ZFYVE9: variants seen among roughly 807,000 people sequenced by gnomAD.
ZFYVE9 encodes zinc finger FYVE-type containing 9.
ZFYVE9 carries 43 observed loss-of-function variants against 126.7 expected under a neutral mutation model. The observed-to-expected ratio is 0.34, with a 90% CI of 0.27 to 0.44. The LOEUF is 0.44. Ranked by LOEUF, ZFYVE9 falls within the 20% of genes least tolerant of loss-of-function variation. ZFYVE9 has a pLI of 1.00. For synonymous variants in ZFYVE9, 521 were observed against 597.4 expected (o/e 0.87, Z 1.87); for missense variants, 1,476 against 1,697.0 (o/e 0.87, Z 2.29).
intron 1 of ZFYVE9, among the ~76,000 whole-genome samples, chr1:52,190,788 A>G (rs1644809230): frequency 6.6e-6 from 1 of 152,238 alleles, no homozygotes; most frequent in Non-Finnish European, 1.5e-5. Flanking sequence ...TAAAGGGTAG[A>G]AGATAGTAAT....
intron 13 of ZFYVE9, among the ~76,000 whole-genome samples, chr1:52,323,263 T>A (rs1040091829): frequency 1.3e-5 from 2 of 152,236 alleles, no homozygotes; most frequent in African/African-American, 4.8e-5. Context: ...GGCTTTTCCC[T>A]CACTTTTTTC....
intron 1 of ZFYVE9, among the ~76,000 whole-genome samples, chr1:52,186,306 T>C (rs1644765129): frequency 6.6e-6 from 1 of 151,712 alleles, no homozygotes. Context: ...AACTAGGTAT[T>C]GAAGGAACAT....
intron 1 of ZFYVE9, among the ~76,000 whole-genome samples, chr1:52,171,973 T>G (rs1644575936): frequency 6.6e-6 from 1 of 152,176 alleles, no homozygotes; most frequent in South Asian, 2.1e-4. Flanking sequence ...TGATGGTAGT[T>G]TCTTTTGCTG....
intron 1 of ZFYVE9, among the ~76,000 whole-genome samples, chr1:52,145,916 T>A (rs1644301751): frequency 6.6e-6 from 1 of 152,074 alleles, no homozygotes; most frequent in Admixed American, 6.6e-5. Flanking sequence ...GAGTTTTACA[T>A]TGATCTTTAA....
At position 52,345,042 on chromosome 1, in the gene ZFYVE9, C is replaced by T. The variant is rs1356711819; in HGVS notation, c.4116+98C>T. ...CATCACCCCAGAGAGCTTAATTCTC[C>T]GACCTTCTGGCCTGACTGGATATAG... On this transcript the variant is annotated intron_variant, in intron 18 of 18. Coordinates refer to ENST00000287727, the MANE Select transcript of ZFYVE9 (RefSeq NM_004799.4). 2.9e-5 allele frequency: 40 copies of T among 1,356,030 alleles called. No individual in the cohort carries two copies. The Admixed American group carries it at 3.6e-4, about 12-fold the overall frequency. 84.0% of individuals were successfully genotyped at this position (1,356,030 alleles called of 1,614,324 possible).
rs1037852706 is a variant in ZFYVE9, at chr1:52,303,937, C to A, written c.3438+12C>A. On this transcript the variant is annotated intron_variant, in intron 13 of 18. Coordinates refer to ENST00000287727, the MANE Select transcript of ZFYVE9 (RefSeq NM_004799.4). Reference sequence around the variant, plus strand: ...ACAGATACAATGAGGTAAGATTTACCATGAAGGCGTATTTTTCATAGTTGA... The same window carrying A: ...ACAGATACAATGAGGTAAGATTTACAATGAAGGCGTATTTTTCATAGTTGA... 15 of 1,560,022 alleles carry A rather than the reference C, an allele frequency of 9.6e-6. No individual in the cohort carries two copies. Among genetic ancestry groups the A allele is most frequent in the African/African-American group, 1.4e-5 (1 of 73,104 alleles).
Position 52,332,777 on chromosome 1 carries a change from G to C in ZFYVE9, c.3448G>C (p.Ala1150Pro). The change falls in exon 14 of 19, where the codon GCC becomes CCC. Residue 1150 changes from alanine (A) to proline (P), a missense_variant. By Grantham distance (27) the Ala-to-Pro change is conservative. Coordinates refer to ENST00000287727, the MANE Select transcript of ZFYVE9 (RefSeq NM_004799.4). ...PSNRYNEMMK[A>P]MNKSNEHVLA... ...ATCTCTTTGATTGCAGATGATGAAA[G>C]CCATGAACAAGTCCAATGAGCATGT... is the stretch of plus-strand genomic sequence containing the variant. The C allele has an allele frequency of 6.2e-7, 1 of 1,613,684 alleles. No homozygotes were observed. The highest frequency in any genetic ancestry group is 8.5e-7 in the Non-Finnish European group (1 of 1,179,852).
intron 1 of ZFYVE9, among the ~76,000 whole-genome samples, chr1:52,187,912 G>A (rs1644779531): frequency 6.6e-6 from 1 of 152,198 alleles, no homozygotes; most frequent in Admixed American, 6.5e-5. Context: ...TGATTCCCTT[G>A]TTTTGTGATT....
chr1:52,288,088 A>G (rs978485226), intron 10 of ZFYVE9, among the ~76,000 whole-genome samples: 1 of 152,174 alleles, frequency 6.6e-6, no homozygotes, highest in African/African-American at 2.4e-5. Context: ...TCATTGCCTT[A>G]TGTACACTAT....
chr1:52,143,018 A>G (rs895098039), intron 1 of ZFYVE9, among the ~76,000 whole-genome samples: 12 of 152,126 alleles, frequency 7.9e-5, no homozygotes, highest in African/African-American at 2.9e-4. Context: ...TCTTTATATT[A>G]TATCTTGCCT....
chr1:52,282,931 T>C (rs1392628938), intron 10 of ZFYVE9, among the ~76,000 whole-genome samples: 1 of 152,214 alleles, frequency 6.6e-6, no homozygotes. Flanking sequence ...GTATTTTTAA[T>C]GTGATGTAGA....
In ZFYVE9 at chr1:52,239,612, C is replaced by T. The variant is rs1645313525; in HGVS notation, c.2178+17C>T. The T allele has an allele frequency of 2.5e-6, 4 of 1,598,706 alleles. No individual in the cohort carries two copies. The highest frequency in any genetic ancestry group is 2.7e-5 in the African/African-American group (2 of 74,428). On this transcript the variant is annotated intron_variant, in intron 4 of 18. Coordinates refer to ENST00000287727, the MANE Select transcript of ZFYVE9 (RefSeq NM_004799.4). ...TGTGGGAAGGTAAGTTGCATGTATA[C>T]ACTCAGAAATCGGGCATGCACATTT...
chr1:52,305,977 C>T (rs1646080495), intron 13 of ZFYVE9, among the ~76,000 whole-genome samples: 1 of 152,142 alleles, frequency 6.6e-6, no homozygotes, highest in South Asian at 2.1e-4. Flanking sequence ...TCAATGCTGG[C>T]CTGCAGACAC....
intron 1 of ZFYVE9, among the ~76,000 whole-genome samples, chr1:52,211,661 G>A (rs1453147927): frequency 1.3e-5 from 2 of 152,078 alleles, no homozygotes; most frequent in Non-Finnish European, 2.9e-5. Context: ...TCAACACTGC[G>A]AGACCCCATC....
intron 3 of ZFYVE9, among the ~76,000 whole-genome samples, chr1:52,235,729 T>C (rs955780559): frequency 6.6e-6 from 1 of 152,278 alleles, no homozygotes; most frequent in African/African-American, 2.4e-5. Flanking sequence ...ATTCCTCTAT[T>C]TATTAATGCT....
chr1:52,249,565 A>G (rs1645423974), intron 4 of ZFYVE9, among the ~76,000 whole-genome samples: 2 of 151,910 alleles, frequency 1.3e-5, no homozygotes, highest in Admixed American at 1.3e-4. Context: ...ATTTGCAGAT[A>G]TTTTCTCTTA....
chr1:52,286,805 G>A (rs1214793193), intron 10 of ZFYVE9, among the ~76,000 whole-genome samples: 1 of 152,100 alleles, frequency 6.6e-6, no homozygotes, highest in African/African-American at 2.4e-5. Flanking sequence ...TGCATGATCT[G>A]TTCCTATATT....
At chr1:52,286,558 C>G (rs1468294271) in intron 10 of ZFYVE9, among the ~76,000 whole-genome samples, 2 of 152,142 alleles carry the variant, frequency 1.3e-5, no homozygotes, top group Non-Finnish European at 2.9e-5. Flanking sequence ...TATGACAGTG[C>G]CATCGGAGGT....
At chr1:52,209,725 A>G (rs1645010393) in intron 1 of ZFYVE9, among the ~76,000 whole-genome samples, 1 of 152,194 alleles carries the variant, frequency 6.6e-6, no homozygotes, top group Non-Finnish European at 1.5e-5. Flanking sequence ...TGTGTTGATC[A>G]AGATGACTAC....
Sources: gnomAD v4.1 joint callset for allele counts (sites outside exome capture counted in the v4.1 genomes callset) on GRCh38, gnomAD v4.1.1 for gene constraint, MANE v1.5 for transcripts, NCBI Gene and HGNC (gene_info 2026-07-23, HGNC 2026-07-21) for gene names.